MAST4: variants seen among roughly 807,000 people sequenced by gnomAD.
MAST4 encodes the protein microtubule-associated serine/threonine-protein kinase 4.
A neutral mutation model predicts 162.7 loss-of-function variants in MAST4; 89 were observed. The ratio of observed to expected loss-of-function variants is 0.55; its 90% CI spans 0.46 to 0.65. The LOEUF (loss-of-function observed/expected upper bound fraction) is 0.65, where lower values mean the gene tolerates loss of function less well. MAST4 is among the 30% of genes least tolerant of loss of function. MAST4 has a pLI of 0.00. For missense variants in MAST4, 3,153 were observed against 3,374.0 expected (o/e 0.93, Z 1.62); for synonymous variants, 1,479 against 1,361.1 (o/e 1.09, Z -1.91).
At position 67,095,591 on chromosome 5, in the gene MAST4, C is replaced by A. The variant is rs1372428282; in HGVS notation, c.834-6C>A. 6.2e-7 allele frequency: 1 copy of A among 1,605,114 alleles called. No individual in the cohort carries two copies. The highest frequency in any genetic ancestry group is 1.3e-5 in the African/African-American group (1 of 74,760). On this transcript the variant is annotated splice_region_variant and splice_polypyrimidine_tract_variant and intron_variant, in intron 6 of 28. Coordinates refer to ENST00000403625, the MANE Select transcript of MAST4 (RefSeq NM_001164664.2). ...TTGGCCTAAGCTAAACTCACTTTCTCAATAGGACTGATGGACGCCGCTGGT... is the reference window on the plus strand; with the variant it reads ...TTGGCCTAAGCTAAACTCACTTTCTAAATAGGACTGATGGACGCCGCTGGT...
At position 67,149,446 on chromosome 5, in the gene MAST4, G is replaced by T. The variant is rs1439756086; in HGVS notation, c.3152G>T (p.Ser1051Ile). ...AATGGACGAAGCGAGTGTGTGGACA[G>T]TACAGATAATTCCTCAAAGCCATCC... ...QINGRSECVD[S>I]TDNSSKPSSE... The change falls in exon 24 of 29, where the codon AGT (serine) becomes ATT (isoleucine). Residue 1051 changes from serine to isoleucine, a missense_variant. Around this residue, in one of 7 missense-constraint regions of MAST4, gnomAD observed 619 missense variants for 744.2 expected, o/e 0.83. Coordinates refer to ENST00000403625, the MANE Select transcript of MAST4 (RefSeq NM_001164664.2). The T allele has an allele frequency of 1.9e-6, 3 of 1,613,578 alleles. No homozygotes were observed. The highest frequency in any genetic ancestry group is 2.5e-6 in the Non-Finnish European group (3 of 1,179,780).
chr5:66,945,181 T>TA (rs1408293541), intron 4 of MAST4, among the ~76,000 whole-genome samples: 1 of 151,980 alleles, frequency 6.6e-6, no homozygotes, highest in African/African-American at 2.4e-5. Context: ...TATAAAGGAG[T>TA]AAAACTTAAA....
At chr5:67,007,883 A>C (rs1047795520) in intron 4 of MAST4, among the ~76,000 whole-genome samples, 1 of 152,216 alleles carries the variant, frequency 6.6e-6, no homozygotes, top group Admixed American at 6.5e-5. Flanking sequence ...TGAGGAAAGA[A>C]GCCTACAGAC....
chr5:66,650,908 T>A (rs1291662737), intron 1 of MAST4, among the ~76,000 whole-genome samples: 1 of 152,218 alleles, frequency 6.6e-6, no homozygotes, highest in Non-Finnish European at 1.5e-5. Context: ...ACAAGTCTCA[T>A]GGCAGAGCTC....
At chr5:66,799,529 T>A (rs1377735999) in intron 3 of MAST4, among the ~76,000 whole-genome samples, 1 of 152,204 alleles carries the variant, frequency 6.6e-6, no homozygotes, top group Non-Finnish European at 1.5e-5. Context: ...TGACACCAGA[T>A]GAAATATCAT....
chr5:66,983,744 C>T, intron 4 of MAST4, among the ~76,000 whole-genome samples: 1 of 152,170 alleles, frequency 6.6e-6, no homozygotes, highest in East Asian at 1.9e-4. Context: ...GATTTGTCAA[C>T]AGAGGTTTTA....
At chr5:66,805,370 TG>T (rs1374650952) in intron 3 of MAST4, among the ~76,000 whole-genome samples, 2 of 152,226 alleles carry the variant, frequency 1.3e-5, no homozygotes, top group Non-Finnish European at 2.9e-5. Context: ...TCTCATTTCA[TG>T]GTATGTTTAA....
chr5:67,066,736 A>G (rs1760286660), intron 5 of MAST4, among the ~76,000 whole-genome samples: 2 of 152,162 alleles, frequency 1.3e-5, no homozygotes, highest in Non-Finnish European at 2.9e-5. Flanking sequence ...TTAATCCAAG[A>G]AAAATGTTCT....
rs191009069 is a variant in MAST4 at position 66,715,583 on chromosome 5, A to G, written c.364-44126A>G. On this transcript the variant is annotated intron_variant, in intron 1 of 28. Coordinates refer to ENST00000403625, the MANE Select transcript of MAST4 (RefSeq NM_001164664.2). The stretch of plus-strand genomic sequence containing the variant: ...ATACCTAATGCTAAATGACGAGTTA[A>G]TGGGTGCAGCACACCAACATGGCAC... Among the ~76,000 whole-genome samples the G allele has an allele frequency of 3.6e-3, 545 of 151,636 alleles. 5 individuals carry two copies. The highest frequency in any genetic ancestry group is 0.013 in the African/African-American group (521 of 41,314).
In MAST4 at chr5:67,166,182, A is replaced by G; in HGVS notation, c.7003A>G (p.Lys2335Glu). ...EKQTLSPKHP[K>E]PSTVKDCPTL... ...GCAAACCCTGTCTCCAAAGCACCCC[A>G]AACCATCCACTGTGAAAGATTGCCC... The change falls in exon 29 of 29, where the codon AAA becomes GAA. Residue 2335 changes from lysine (K) to glutamate (E), a missense_variant. By Grantham distance (56) the Lys-to-Glu change is moderately conservative. Transcript: ENST00000403625. 6.4e-7 allele frequency: 1 copy of G among 1,555,194 alleles called. No homozygotes were observed. Among genetic ancestry groups the G allele is most frequent in the Non-Finnish European group, 8.7e-7 (1 of 1,148,902 alleles).
At chr5:66,922,706 G>T (rs907430931) in intron 4 of MAST4, among the ~76,000 whole-genome samples, 4 of 152,158 alleles carry the variant, frequency 2.6e-5, no homozygotes, top group Non-Finnish European at 4.4e-5. Context: ...CTTCAAAAGT[G>T]AAGCTGTCAA....
intron 4 of MAST4, among the ~76,000 whole-genome samples, chr5:66,980,341 CAT>C (rs1314532384): frequency 6.6e-6 from 1 of 152,172 alleles, no homozygotes; most frequent in African/African-American, 2.4e-5. Flanking sequence ...ACAATAGAAA[CAT>C]ATATGAAATT....
chr5:67,038,133 A>T (rs762360024), intron 4 of MAST4, among the ~76,000 whole-genome samples: 6 of 152,046 alleles, frequency 3.9e-5, no homozygotes, highest in Non-Finnish European at 7.4e-5. Context: ...TTAACCTATG[A>T]TGGGAACACT....
At chr5:66,684,934 C>A (rs760470746) in intron 1 of MAST4, among the ~76,000 whole-genome samples, 11 of 152,054 alleles carry the variant, frequency 7.2e-5, no homozygotes, top group Non-Finnish European at 1.5e-4. Flanking sequence ...AGAGCAAGAA[C>A]AAATGGCTAT....
chr5:66,603,039 T>C (rs1742654666), intron 1 of MAST4, among the ~76,000 whole-genome samples: 1 of 152,168 alleles, frequency 6.6e-6, no homozygotes. Context: ...GAAAAGCTGG[T>C]TTATGCAGGG....
At chr5:66,645,376 A>G in intron 1 of MAST4, among the ~76,000 whole-genome samples, 1 of 152,184 alleles carries the variant, frequency 6.6e-6, no homozygotes, top group Non-Finnish European at 1.5e-5. Context: ...AAGACTGTGA[A>G]GTGGATGGGG....
chr5:67,043,913 A>T (rs1331918125), intron 4 of MAST4, among the ~76,000 whole-genome samples: 1 of 152,146 alleles, frequency 6.6e-6, no homozygotes, highest in Admixed American at 6.5e-5. Context: ...TCTGTCTCAT[A>T]GGTATTTGAT....
chr5:67,113,779 A>T (rs1363588089), intron 11 of MAST4, among the ~76,000 whole-genome samples: 1 of 152,234 alleles, frequency 6.6e-6, no homozygotes, highest in African/African-American at 2.4e-5. Context: ...ATTAAAAATC[A>T]GATCTGTTCA....
At chr5:66,994,214 A>G (rs1750378839) in intron 4 of MAST4, among the ~76,000 whole-genome samples, 1 of 152,142 alleles carries the variant, frequency 6.6e-6, no homozygotes, top group African/African-American at 2.4e-5. Context: ...AGGAGAAGAC[A>G]TGAAAATCTA....
Sources: allele counts gnomAD v4.1 joint callset (sites outside exome capture counted in the v4.1 genomes callset), GRCh38; gene constraint gnomAD v4.1.1; regional missense constraint gnomAD v4.1.1; transcripts MANE v1.5; gene names NCBI Gene and HGNC (gene_info 2026-07-23, HGNC 2026-07-21).